Variants in SYNM observed in about 807,000 individuals in gnomAD.
SYNM encodes the protein synemin, also known as desmuslin.
A neutral mutation model predicts 104.0 loss-of-function variants in SYNM; 95 were observed. That is an observed-to-expected ratio of 0.91 (90% CI 0.77 to 1.08). The LOEUF (loss-of-function observed/expected upper bound fraction) is 1.08, where lower values mean the gene tolerates loss of function less well. Among genes scored for constraint, SYNM ranks in the 50% least tolerant of loss-of-function variants. SYNM has a pLI of 0.00. For missense variants in SYNM, 2,150 were observed against 2,052.2 expected (o/e 1.05, Z -0.92); for synonymous variants, 918 against 869.0 (o/e 1.06, Z -0.99).
intron 3 of SYNM, 72 bp downstream of exon 3, chr15:99,126,864 C>T: frequency 7.3e-7 from 1 of 1,373,714 alleles, no homozygotes; most frequent in Non-Finnish European, 9.9e-7. Context: ...GATAGTAAAG[C>T]ACCATCATCG....
At position 99,131,729 on chromosome 15, in the gene SYNM, T is replaced by C; in HGVS notation, c.3369T>C (p.Ala1123=). The C allele has an allele frequency of 6.2e-7, 1 of 1,613,844 alleles. No individual in the cohort carries two copies. The highest frequency in any genetic ancestry group is 8.5e-7 in the Non-Finnish European group (1 of 1,179,890). The change falls in exon 4 of 4, where the codon GCT becomes GCC. Residue 1123 remains alanine, a synonymous_variant. Transcript: ENST00000336292. The surrounding 1 kb of genome is among the most constrained non-coding windows in gnomAD (Gnocchi z 4.3). ...AGGTGCTGGAGGATGTGAGCCAGGCTGCAAGGCACATAAAACTCGGCCCCT... is the reference window on the plus strand; with the variant it reads ...AGGTGCTGGAGGATGTGAGCCAGGCCGCAAGGCACATAAAACTCGGCCCCT... ...QSQVLEDVSQ[A]ARHIKLGPSE... is the part of the protein sequence containing the mutation.
At chr15:99,115,095 G>A (rs1555483773) in intron 2 of SYNM, among the ~76,000 whole-genome samples, 1 of 152,208 alleles carries the variant, frequency 6.6e-6, no homozygotes, top group African/African-American at 2.4e-5. Context: ...GGCTGGTGAG[G>A]GGCAGAGCCA....
At position 99,105,180 on chromosome 15, in the gene SYNM, A is replaced by G. The variant is rs1555482297; in HGVS notation, c.-20A>G. 2 of 1,567,422 alleles carry G rather than the reference A, an allele frequency of 1.3e-6. No homozygotes were observed. The highest frequency in any genetic ancestry group is 1.8e-5 in the Admixed American group (1 of 54,398). On this transcript the variant is annotated 5_prime_UTR_variant, in exon 1 of 4. Transcript: ENST00000336292. ...CAGGAGGGAGCCGGCCAGCCGCGAGAACCCCGCACGCCCGGCAAGATGCTG... is the reference window on the plus strand; with the variant it reads ...CAGGAGGGAGCCGGCCAGCCGCGAGGACCCCGCACGCCCGGCAAGATGCTG...
In SYNM at chr15:99,132,940, A is replaced by G. The variant is rs1016265974; in HGVS notation, c.4580A>G (p.Asp1527Gly). ...REQGKEQAMF[D>G]KKVQLQRMVD... The stretch of plus-strand genomic sequence containing the variant: ...CAGGGCAAGGAGCAGGCCATGTTTG[A>G]TAAGAAGGTGCAGCTCCAGAGAATG... Residue 1527 changes from aspartate (D) to glycine (G), a missense_variant, in exon 4 of 4, where the codon GAT (aspartate) becomes GGT (glycine). Coordinates refer to ENST00000336292, the MANE Select transcript of SYNM (RefSeq NM_145728.3). The G allele has an allele frequency of 3.7e-6, 6 of 1,613,834 alleles. No homozygotes were observed. In the East Asian group the frequency reaches 8.9e-5, roughly 24 times the overall value.
chr15:99,125,306 C>G (rs1235165755), intron 2 of SYNM, among the ~76,000 whole-genome samples: 1 of 152,226 alleles, frequency 6.6e-6, no homozygotes, highest in African/African-American at 2.4e-5. Flanking sequence ...ATTATATAGA[C>G]CTCAGAACTT....
At chr15:99,118,050 G>A (rs950305006) in intron 2 of SYNM, among the ~76,000 whole-genome samples, 8 of 152,218 alleles carry the variant, frequency 5.3e-5, no homozygotes, top group African/African-American at 2.4e-5. Flanking sequence ...GAGCTTGCCT[G>A]ACAGGCCCTG....
In SYNM at chr15:99,129,407, A is replaced by G. The variant is rs374368974; in HGVS notation, c.1047A>G (p.Leu349=). The change falls in exon 4 of 4, where the codon CTA becomes CTG. Residue 349 remains leucine (L), a synonymous_variant. Coordinates refer to ENST00000336292, the MANE Select transcript of SYNM (RefSeq NM_145728.3). ...NKSYHYTDSL[L]QRENERNLFS... ...CCTATCACTATACCGACTCACTACT[A>G]CAGAGGGAAAATGAAAGGAATCTAT... 3 of 1,614,008 alleles carry G rather than the reference A, an allele frequency of 1.9e-6. No homozygotes were observed. Among genetic ancestry groups the G allele is most frequent in the East Asian group, 2.2e-5 (1 of 44,878 alleles).
At chr15:99,118,553 C>G (rs1254421112) in intron 2 of SYNM, among the ~76,000 whole-genome samples, 12 of 152,166 alleles carry the variant, frequency 7.9e-5, no homozygotes, top group African/African-American at 2.9e-4. Flanking sequence ...CAAGGACTCT[C>G]AAATGTACTG....
At chr15:99,124,911 G>C (rs1307471489) in intron 2 of SYNM, among the ~76,000 whole-genome samples, 4 of 152,206 alleles carry the variant, frequency 2.6e-5, no homozygotes, top group African/African-American at 9.7e-5. Context: ...GGGAAGCTGT[G>C]GGGCTGTATC....
chr15:99,128,298 C>T (rs1156626682), intron 3 of SYNM, among the ~76,000 whole-genome samples: 3 of 152,144 alleles, frequency 2.0e-5, no homozygotes, highest in Admixed American at 2.0e-4. Context: ...GCCCGCTAGC[C>T]GGTGGACCTA....
chr15:99,127,383 A>C (rs1263089688), intron 3 of SYNM, among the ~76,000 whole-genome samples: 1 of 152,214 alleles, frequency 6.6e-6, no homozygotes. Flanking sequence ...TAAGATCATT[A>C]ATGTTCATTA....
rs782080144 is a variant in SYNM at position 99,132,879 on chromosome 15, G to A, written c.4519G>A (p.Ala1507Thr). Residue 1507 changes from alanine to threonine, a missense_variant, in exon 4 of 4, where the codon GCC (alanine) becomes ACC (threonine). Transcript: ENST00000336292. ...NDQAVGVSFK[A>T]SAGEGDQAHR... ...CCAGGCAGTTGGTGTGAGCTTTAAG[G>A]CCTCTGCTGGGGAAGGAGACCAGGC... 1.2e-6 allele frequency: 2 copies of A among 1,613,914 alleles called. No homozygotes were observed. Among genetic ancestry groups the A allele is most frequent in the Non-Finnish European group, 1.7e-6 (2 of 1,179,866 alleles).
Position 99,132,033 on chromosome 15 carries a change from T to C in SYNM, c.3673T>C (p.Cys1225Arg), listed in dbSNP as rs1459739014. The change falls in exon 4 of 4, where the codon TGC becomes CGC. Residue 1225 changes from cysteine to arginine, a missense_variant. Transcript: ENST00000336292. ...ATCAGGGAGGCACAGCACATTTGGC[T>C]GCAGACAATTTCATGCTGAAAAGGA... Reference protein sequence around the residue: ...DGSGRHSTFGCRQFHAEKEII... With the variant: ...DGSGRHSTFGRRQFHAEKEII... The C allele has an allele frequency of 6.2e-7, 1 of 1,613,886 alleles. No individual in the cohort carries two copies. Among genetic ancestry groups the C allele is most frequent in the African/African-American group, 1.3e-5 (1 of 74,942 alleles).
intron 2 of SYNM, among the ~76,000 whole-genome samples, chr15:99,117,697 G>GTAAA (rs1200215478): frequency 3.3e-5 from 5 of 152,218 alleles, no homozygotes; most frequent in Admixed American, 1.3e-4. Flanking sequence ...AAAAGCCAGT[G>GTAAA]TAAACATGGG....
chr15:99,139,248 C>G (rs1555488750), downstream of SYNM: 2 of 1,574,756 alleles, frequency 1.3e-6, no homozygotes, highest in South Asian at 2.3e-5. Context: ...CCTTCTAGAA[C>G]CAGCTTTCTC....
intron 1 of SYNM, 146 bp downstream of exon 1, chr15:99,106,155 A>G (rs1433023621): frequency 2.2e-6 from 2 of 890,762 alleles, no homozygotes; most frequent in Admixed American, 8.3e-5. Context: ...CCCGAATGGC[A>G]TGGGGACCCG....
In SYNM at chr15:99,129,571, C is replaced by G; in HGVS notation, c.1211C>G (p.Ser404Cys). 1.2e-6 allele frequency: 2 copies of G among 1,613,942 alleles called. No homozygotes were observed. The highest frequency in any genetic ancestry group is 1.7e-6 in the Non-Finnish European group (2 of 1,179,892). ...ARRGFLGSGY[S>C]SSATTQQENS... ...AGAGGCTTCTTGGGCTCGGGATATTCTTCCTCGGCCACTACCCAGCAGGAA... is the reference window on the plus strand; with the variant it reads ...AGAGGCTTCTTGGGCTCGGGATATTGTTCCTCGGCCACTACCCAGCAGGAA... The change falls in exon 4 of 4, where the codon TCT becomes TGT. Residue 404 changes from serine to cysteine, a missense_variant. By Grantham distance (112) the Ser-to-Cys change is moderately radical. Transcript: ENST00000336292.
At chr15:99,119,366 C>A (rs969356422) in intron 2 of SYNM, among the ~76,000 whole-genome samples, 8 of 152,216 alleles carry the variant, frequency 5.3e-5, no homozygotes, top group Non-Finnish European at 1.2e-4. Context: ...CATACTGGAC[C>A]GAAGTTGGCC....
Position 99,132,155 on chromosome 15 carries a change from C to A in SYNM, c.3795C>A (p.Leu1265=). ...SVGTQTSVRQ[L]QLGPKEGFSG... ...GTACCCAGACTTCTGTCAGGCAACT[C>A]CAGTTAGGCCCTAAAGAAGGGTTCA... The change falls in exon 4 of 4, where the codon CTC becomes CTA. Residue 1265 remains leucine, a synonymous_variant. Transcript: ENST00000336292. 1.2e-6 allele frequency: 2 copies of A among 1,613,934 alleles called. No homozygotes were observed. Among genetic ancestry groups the A allele is most frequent in the Admixed American group, 1.7e-5 (1 of 60,026 alleles).
Sources: allele counts gnomAD v4.1 joint callset (sites outside exome capture counted in the v4.1 genomes callset), GRCh38; gene constraint gnomAD v4.1.1; non-coding constraint Gnocchi (gnomAD v3.1); transcripts MANE v1.5; gene names NCBI Gene and HGNC (gene_info 2026-07-23, HGNC 2026-07-21).